The following PRELID2 variants were observed in gnomAD, a reference collection of about 807,000 sequenced individuals.
PRELID2 encodes the protein PRELI domain-containing protein 2.
A neutral mutation model predicts 28.4 loss-of-function variants in PRELID2; 25 were observed. The ratio of observed to expected loss-of-function variants is 0.88; its 90% confidence interval spans 0.64 to 1.23. The LOEUF is 1.23. Ranked by LOEUF, PRELID2 falls within the 50% of genes most tolerant of loss-of-function variation. The probability of loss-of-function intolerance (pLI) is 0.00; values close to 1 mark genes in which losing one functional copy is unlikely to be tolerated. For synonymous variants in PRELID2, 76 were observed against 71.6 expected (o/e 1.06, Z -0.31); for missense variants, 201 against 214.4 (o/e 0.94, Z 0.39).
intron 1 of PRELID2, among the ~76,000 whole-genome samples, chr5:145,719,341 G>A (rs1219300306): frequency 6.6e-6 from 1 of 150,546 alleles, no homozygotes; most frequent in East Asian, 2.0e-4. Flanking sequence ...ACTCAAGGTG[G>A]CGGCCTCAGA....
the PRELID2 span, chr5:145,337,809 G>A: frequency 6.8e-6 from 1 of 146,088 alleles, no homozygotes; most frequent in Non-Finnish European, 1.5e-5. Context: ...ATCAAGCACA[G>A]AAGTTTCTGT....
At chr5:145,476,260 T>A (rs565170271) in intron 1 of PRELID2, among the ~76,000 whole-genome samples, 2 of 152,314 alleles carry the variant, frequency 1.3e-5, no homozygotes, top group African/African-American at 4.8e-5. Context: ...TGGGAGACAA[T>A]CAATTCTAAA....
chr5:145,755,833 G>A (rs909276318), downstream of PRELID2, among the ~76,000 whole-genome samples: 1 of 152,192 alleles, frequency 6.6e-6, no homozygotes, highest in African/African-American at 2.4e-5. Flanking sequence ...TACCCCTAAA[G>A]GAAGGATCAT....
At chr5:145,366,937 G>C in the PRELID2 span, among the ~76,000 whole-genome samples, 15 of 151,934 alleles carry the variant, frequency 9.9e-5, no homozygotes, top group Non-Finnish European at 2.1e-4. Context: ...GAGTTAAAAG[G>C]CTTCTAAAAG....
chr5:145,388,186 T>C, the PRELID2 span, among the ~76,000 whole-genome samples: 11 of 152,104 alleles, frequency 7.2e-5, no homozygotes, highest in Non-Finnish European at 1.2e-4. Flanking sequence ...AAAAATAAGA[T>C]CTCTCATGTT....
At chr5:145,473,239 T>G (rs1045701040) in exon 2 of PRELID2, 14 of 152,220 alleles carry the variant, frequency 9.2e-5, no homozygotes, top group Admixed American at 3.9e-4. Flanking sequence ...CGCCAGATGT[T>G]AACACAGGCT....
At chr5:145,418,192 G>C in the PRELID2 span, among the ~76,000 whole-genome samples, 1 of 152,052 alleles carries the variant, frequency 6.6e-6, no homozygotes, top group Non-Finnish European at 1.5e-5. Flanking sequence ...GAAAGTGAAT[G>C]ACCATTTCCA....
At chr5:145,666,566 C>G (rs969626605) in intron 1 of PRELID2, among the ~76,000 whole-genome samples, 1 of 152,114 alleles carries the variant, frequency 6.6e-6, no homozygotes, top group East Asian at 1.9e-4. Context: ...CAAACTGAGC[C>G]CATCTCACTC....
At chr5:145,689,986 C>CTTTT (rs749912789) in intron 1 of PRELID2, among the ~76,000 whole-genome samples, 17 of 114,888 alleles carry the variant, frequency 1.5e-4, no homozygotes, top group African/African-American at 3.6e-4. Context: ...CTGTGGGGGT[C>CTTTT]TTTTTTTTTT....
chr5:145,749,973 G>C (rs1242134550), intron 1 of PRELID2, among the ~76,000 whole-genome samples: 3 of 151,852 alleles, frequency 2.0e-5, no homozygotes, highest in Non-Finnish European at 4.4e-5. Flanking sequence ...GTGTGGTGGG[G>C]GGCAAGGGGA....
intron 1 of PRELID2, among the ~76,000 whole-genome samples, chr5:145,596,898 C>T (rs6884965): frequency 6.6e-6 from 1 of 151,942 alleles, no homozygotes; most frequent in Non-Finnish European, 1.5e-5. Flanking sequence ...AATGGCTTGT[C>T]CTGATTTGAC....
intron 1 of PRELID2, among the ~76,000 whole-genome samples, chr5:145,621,249 C>G (rs1017902344): frequency 2.6e-5 from 4 of 152,096 alleles, no homozygotes; most frequent in Non-Finnish European, 4.4e-5. Context: ...GGACGGCTAT[C>G]ATAAAATTAT....
At chr5:145,538,183 T>C (rs946651754) in intron 1 of PRELID2, among the ~76,000 whole-genome samples, 1 of 151,888 alleles carries the variant, frequency 6.6e-6, no homozygotes, top group Admixed American at 6.6e-5. Context: ...CTCTGTTCTG[T>C]TTCATTGTCC....
the PRELID2 span, among the ~76,000 whole-genome samples, chr5:145,252,445 A>AT: frequency 6.6e-6 from 1 of 151,984 alleles, no homozygotes. Flanking sequence ...CTGTGGTTTG[A>AT]TTTTCTCATT....
At chr5:145,251,474 G>A in the PRELID2 span, among the ~76,000 whole-genome samples, 1 of 148,434 alleles carries the variant, frequency 6.7e-6, no homozygotes, top group Non-Finnish European at 1.5e-5. Context: ...TCAGTGTAAT[G>A]ATTTCTAACT....
At chr5:145,403,596 C>A in the PRELID2 span, among the ~76,000 whole-genome samples, 1 of 152,192 alleles carries the variant, frequency 6.6e-6, no homozygotes, top group African/African-American at 2.4e-5. Flanking sequence ...CTCAGACCTA[C>A]TGGGTAAAAG....
At chr5:145,699,361 A>G (rs1755355279) in intron 1 of PRELID2, among the ~76,000 whole-genome samples, 1 of 152,232 alleles carries the variant, frequency 6.6e-6, no homozygotes, top group Middle Eastern at 3.4e-3. Flanking sequence ...GTTGGATATT[A>G]GTATTATTAT....
At chr5:145,495,462 C>T (rs1752302271) in intron 1 of PRELID2, among the ~76,000 whole-genome samples, 1 of 152,192 alleles carries the variant, frequency 6.6e-6, no homozygotes, top group South Asian at 2.1e-4. Flanking sequence ...CTAACTTGGT[C>T]TCATCTTGGC....
At chr5:145,709,705 A>G (rs1755642362) in intron 1 of PRELID2, among the ~76,000 whole-genome samples, 1 of 152,198 alleles carries the variant, frequency 6.6e-6, no homozygotes, top group South Asian at 2.1e-4. Flanking sequence ...TCACCAAACT[A>G]AAGATTTTCA....
Sources: allele counts gnomAD v4.1 joint callset (sites outside exome capture counted in the v4.1 genomes callset), GRCh38; gene constraint gnomAD v4.1.1; transcripts MANE v1.5; gene names NCBI Gene and HGNC (gene_info 2026-07-23, HGNC 2026-07-21).